Variants in KLF8 observed in about 807,000 individuals in gnomAD.
KLF8 encodes Krueppel-like factor 8.
A neutral mutation model predicts 18.2 loss-of-function variants in KLF8; 10 were observed. The ratio of observed to expected loss-of-function variants is 0.55; its 90% CI spans 0.34 to 0.93. The LOEUF (loss-of-function observed/expected upper bound fraction) is 0.93, where lower values mean the gene tolerates loss of function less well. Ranked by LOEUF, KLF8 falls within the 40% of genes least tolerant of loss-of-function variation. The pLI, the probability that KLF8 is intolerant of heterozygous loss-of-function variation, is 0.02. For missense variants in KLF8, 264 were observed against 277.9 expected, an observed-to-expected ratio of 0.95 and a Z score of 0.36; for synonymous variants, 109 against 97.3, an observed-to-expected ratio of 1.12 and a Z score of -0.71.
At chrX:55,914,288 G>A in the KLF8 span, among the ~76,000 whole-genome samples, 1 of 111,803 alleles carries the variant, frequency 8.9e-6, no homozygotes. Context: ...CAATATATAT[G>A]CCATGAGAAC....
the KLF8 span, among the ~76,000 whole-genome samples, chrX:55,981,203 A>T: frequency 4.5e-5 from 5 of 112,173 alleles, no homozygotes; most frequent in African/African-American, 1.6e-4. Context: ...AAAATAATTA[A>T]AAAAAATTAT....
At chrX:56,184,743 C>A in the KLF8 span, among the ~76,000 whole-genome samples, 1 of 112,126 alleles carries the variant, frequency 8.9e-6, no homozygotes, top group Non-Finnish European at 1.9e-5. Flanking sequence ...GCAGCCACTG[C>A]TGCTGATACA....
chrX:55,993,295 G>T, the KLF8 span, among the ~76,000 whole-genome samples: 9 of 111,719 alleles, frequency 8.1e-5, no homozygotes, highest in Non-Finnish European at 1.5e-4. Context: ...TTTGTTGAGG[G>T]TTTCTAACGT....
At chrX:56,134,112 G>A in the KLF8 span, among the ~76,000 whole-genome samples, 1 of 111,233 alleles carries the variant, frequency 9.0e-6, no homozygotes, top group Non-Finnish European at 1.9e-5. Flanking sequence ...CATATTCAAT[G>A]CAATTCCCAT....
At chrX:56,089,059 T>G in the KLF8 span, among the ~76,000 whole-genome samples, 1 of 111,582 alleles carries the variant, frequency 9.0e-6, no homozygotes, top group East Asian at 2.8e-4. Context: ...CCTCTAGTAA[T>G]GTATTACTTA....
At chrX:55,960,258 T>G in the KLF8 span, among the ~76,000 whole-genome samples, 1 of 112,445 alleles carries the variant, frequency 8.9e-6, no homozygotes, top group Admixed American at 9.4e-5. Flanking sequence ...GGCTCACGCC[T>G]GTAATCCCAG....
chrX:56,026,897 A>G, the KLF8 span, among the ~76,000 whole-genome samples: 5 of 112,707 alleles, frequency 4.4e-5, no homozygotes, highest in African/African-American at 1.6e-4. Context: ...GATCTTCAAA[A>G]GGAGCTACTC....
At chrX:56,209,632 A>C in the KLF8 span, among the ~76,000 whole-genome samples, 1 of 111,960 alleles carries the variant, frequency 8.9e-6, no homozygotes, top group South Asian at 3.8e-4. Context: ...AAAGAAAAAC[A>C]TAAATAAGTA....
the KLF8 span, among the ~76,000 whole-genome samples, chrX:56,222,901 C>T: frequency 8.8e-6 from 1 of 113,079 alleles, no homozygotes; most frequent in African/African-American, 3.2e-5. Context: ...CCGCAAGCGC[C>T]GTGTGCAGTC....
At chrX:56,196,447 C>T in the KLF8 span, among the ~76,000 whole-genome samples, 1 of 111,305 alleles carries the variant, frequency 9.0e-6, no homozygotes, top group Non-Finnish European at 1.9e-5. Flanking sequence ...AGTTGCAATC[C>T]TAGTCTGTGG....
At chrX:56,106,780 G>A in the KLF8 span, among the ~76,000 whole-genome samples, 2 of 112,143 alleles carry the variant, frequency 1.8e-5, no homozygotes, top group African/African-American at 6.5e-5. Context: ...CAATCCTTTG[G>A]AGGAGAAAAG....
At chrX:56,135,554 G>A in the KLF8 span, among the ~76,000 whole-genome samples, 1 of 110,587 alleles carries the variant, frequency 9.0e-6, no homozygotes, top group South Asian at 3.9e-4. Flanking sequence ...ACTGTTGTGG[G>A]GTGGGGGACG....
the KLF8 span, among the ~76,000 whole-genome samples, chrX:56,037,218 C>A: frequency 9.0e-6 from 1 of 111,504 alleles, no homozygotes; most frequent in Non-Finnish European, 1.9e-5. Flanking sequence ...GAATGGGCAT[C>A]CTTGATTTGC....
the KLF8 span, among the ~76,000 whole-genome samples, chrX:56,135,563 C>A: frequency 9.1e-6 from 1 of 109,956 alleles, no homozygotes; most frequent in Non-Finnish European, 1.9e-5. Context: ...GGGTGGGGGA[C>A]GGGAGAGGGA....
At chrX:56,058,284 A>G in the KLF8 span, among the ~76,000 whole-genome samples, 1 of 33,841 alleles carries the variant, frequency 3.0e-5, no homozygotes, top group Non-Finnish European at 6.1e-5. Context: ...ATATACATAT[A>G]TATATATATA....
At chrX:56,222,494 T>G in the KLF8 span, among the ~76,000 whole-genome samples, 1 of 112,322 alleles carries the variant, frequency 8.9e-6, no homozygotes, top group East Asian at 2.8e-4. Flanking sequence ...CAGCTAGACA[T>G]AAAGGTTCTC....
the KLF8 span, among the ~76,000 whole-genome samples, chrX:56,052,643 G>A: frequency 3.6e-5 from 4 of 111,892 alleles, no homozygotes; most frequent in East Asian, 2.8e-4. Context: ...CTCCAGCTGC[G>A]TGCTGGGAGA....
chrX:56,029,325 C>A, the KLF8 span, among the ~76,000 whole-genome samples: 1 of 111,678 alleles, frequency 9.0e-6, no homozygotes, highest in African/African-American at 3.3e-5. Context: ...TGGCTCTCAG[C>A]TTGCTAAGCA....
At chrX:56,221,841 A>AG in the KLF8 span, among the ~76,000 whole-genome samples, 57 of 111,604 alleles carry the variant, frequency 5.1e-4, no homozygotes, top group African/African-American at 1.6e-3. Flanking sequence ...AGGGGACCGG[A>AG]GGGGGTTGCC....
Sources: allele counts gnomAD v4.1 joint callset (sites outside exome capture counted in the v4.1 genomes callset), GRCh38; gene constraint gnomAD v4.1.1; transcripts MANE v1.5; gene names NCBI Gene and HGNC (gene_info 2026-07-23, HGNC 2026-07-21).